The following TEX9 variants were observed in gnomAD, a reference collection of about 807,000 sequenced individuals.
The protein encoded by TEX9 is testis-expressed protein 9.
Under a neutral mutation model 59.6 loss-of-function variants are expected in TEX9, and 74 were observed. That is an observed-to-expected ratio of 1.24 (90% CI 1.03 to 1.51). TEX9 has a LOEUF of 1.51. Ranked by LOEUF, TEX9 falls within the 40% of genes most tolerant of loss-of-function variation. TEX9 has a pLI of 0.00. For missense variants in TEX9, 522 were observed against 447.8 expected, an observed-to-expected ratio of 1.17 and a Z score of -1.49; for synonymous variants, 186 against 152.2, an observed-to-expected ratio of 1.22 and a Z score of -1.64.
Position 56,261,579 on chromosome 15 carries a change from G to A in TEX9, c.-107+17301G>A, listed in dbSNP as rs557675018. ...CTAAAAATACAAAAATTAGCCAGGC[G>A]CAGTAGCATGTGCCTGTAGTCCCGC... On this transcript the variant is annotated intron_variant, in intron 1 of 5. Transcript: ENST00000560827. Among the ~76,000 whole-genome samples the A allele has an allele frequency of 1.2e-4, 19 of 152,158 alleles. 1 individual carries two copies. In the East Asian group the frequency reaches 2.9e-3, roughly 23 times the overall value.
chr15:56,283,049 GGTGT>G (rs3985761), intron 1 of TEX9, among the ~76,000 whole-genome samples: 1,838 of 148,330 alleles, frequency 0.012, 26 homozygotes, highest in African/African-American at 0.038. Flanking sequence ...TACATTGTGT[GGTGT>G]GTGTGTGTGT....
chr15:56,443,545 A>T (rs369206866), intron 12 of TEX9: 4 of 1,577,892 alleles, frequency 2.5e-6, no homozygotes, highest in Non-Finnish European at 2.6e-6. Context: ...CAACTATTAA[A>T]TTTTTTAAAA....
At chr15:56,338,239 A>C (rs2046296531) in intron 1 of TEX9, among the ~76,000 whole-genome samples, 2 of 152,358 alleles carry the variant, frequency 1.3e-5, no homozygotes, top group South Asian at 4.1e-4. Flanking sequence ...AGTATTACTG[A>C]GAAAAGCTAA....
At chr15:56,386,007 A>T (rs958553654) in intron 4 of TEX9, among the ~76,000 whole-genome samples, 1 of 152,126 alleles carries the variant, frequency 6.6e-6, no homozygotes, top group Non-Finnish European at 1.5e-5. Flanking sequence ...GAATTTTTAG[A>T]TCAATTTTAT....
chr15:56,290,565 C>T (rs1422466526), intron 1 of TEX9, among the ~76,000 whole-genome samples: 1 of 152,126 alleles, frequency 6.6e-6, no homozygotes. Context: ...AGTCCTCCCA[C>T]CTCAGCCTCC....
chr15:56,388,848 G>C (rs748548847), intron 5 of TEX9, among the ~76,000 whole-genome samples: 1 of 151,964 alleles, frequency 6.6e-6, no homozygotes, highest in Non-Finnish European at 1.5e-5. Context: ...ATACAAAGAA[G>C]GTGATTTGAA....
intron 1 of TEX9, among the ~76,000 whole-genome samples, chr15:56,295,489 A>T (rs1409201379): frequency 6.6e-6 from 1 of 152,140 alleles, no homozygotes; most frequent in African/African-American, 2.4e-5. Context: ...ATCTTGAGTA[A>T]CTTCTTGAGG....
At chr15:56,444,690 ATTGATC>A in intron 12 of TEX9, 5 of 1,594,404 alleles carry the variant, frequency 3.1e-6, no homozygotes, top group Non-Finnish European at 4.3e-6. Flanking sequence ...TTAAAACAAA[ATTGATC>A]TTTCCGTTTT....
At chr15:56,459,216 G>T in the TEX9 span, among the ~76,000 whole-genome samples, 1 of 152,126 alleles carries the variant, frequency 6.6e-6, no homozygotes, top group Non-Finnish European at 1.5e-5. Flanking sequence ...CACAATATGT[G>T]GCCTTTTGTA....
intron 3 of TEX9, among the ~76,000 whole-genome samples, chr15:56,380,735 G>A (rs192391544): frequency 6.0e-4 from 92 of 152,238 alleles, no homozygotes; most frequent in African/African-American, 2.2e-3. Flanking sequence ...CTTTAAGTAT[G>A]TCATGCCACT....
At chr15:56,357,269 T>C (rs2046702414) in intron 1 of TEX9, among the ~76,000 whole-genome samples, 2 of 152,180 alleles carry the variant, frequency 1.3e-5, no homozygotes, top group Admixed American at 1.3e-4. Context: ...CTGCTAATTA[T>C]TTTATTGTAT....
chr15:56,403,170 A>G (rs2048886872), intron 9 of TEX9, among the ~76,000 whole-genome samples: 1 of 152,258 alleles, frequency 6.6e-6, no homozygotes, highest in South Asian at 2.1e-4. Flanking sequence ...AAGGGTATTC[A>G]ATTATGAAAA....
At chr15:56,325,783 C>T (rs1271700785) in intron 1 of TEX9, among the ~76,000 whole-genome samples, 1 of 152,162 alleles carries the variant, frequency 6.6e-6, no homozygotes, top group Admixed American at 6.5e-5. Context: ...CATGGTCTGA[C>T]TATAGCCAGT....
intron 10 of TEX9, 46 bp downstream of exon 10, chr15:56,412,482 T>C (rs1345428090): frequency 6.5e-7 from 1 of 1,549,162 alleles, no homozygotes; most frequent in South Asian, 1.2e-5. Context: ...TTTTGGTAAC[T>C]ACTTCTTTTA....
intron 1 of TEX9, among the ~76,000 whole-genome samples, chr15:56,345,569 C>A (rs1255775056): frequency 1.3e-5 from 2 of 152,132 alleles, no homozygotes; most frequent in African/African-American, 4.8e-5. Context: ...GGACTACAGG[C>A]ATGTGCCACT....
At chr15:56,345,468 C>T (rs142186492) in intron 1 of TEX9, among the ~76,000 whole-genome samples, 3 of 152,104 alleles carry the variant, frequency 2.0e-5, no homozygotes, top group Non-Finnish European at 2.9e-5. Context: ...CCTTTTCCCC[C>T]CTAAGAGATG....
At chr15:56,423,346 G>C (rs1014453215) in intron 10 of TEX9, among the ~76,000 whole-genome samples, 1 of 152,068 alleles carries the variant, frequency 6.6e-6, no homozygotes, top group Non-Finnish European at 1.5e-5. Context: ...TTGGTAGTTT[G>C]AGTGTTTTGT....
exon 9 of TEX9, chr15:56,394,819 G>A (rs375726251): frequency 2.1e-5 from 34 of 1,607,772 alleles, no homozygotes; most frequent in East Asian, 4.5e-5. Flanking sequence ...AGCAACAGTT[G>A]TCTTCAGTAG....
At chr15:56,333,730 A>G (rs1596098160) in intron 1 of TEX9, among the ~76,000 whole-genome samples, 1 of 152,342 alleles carries the variant, frequency 6.6e-6, no homozygotes, top group East Asian at 1.9e-4. Context: ...GGAAAAAGTC[A>G]AATTATCCTT....
Sources: gnomAD v4.1 joint callset for allele counts (sites outside exome capture counted in the v4.1 genomes callset) on GRCh38, gnomAD v4.1.1 for gene constraint, MANE v1.5 for transcripts, NCBI Gene and HGNC (gene_info 2026-07-23, HGNC 2026-07-21) for gene names.